The following VAMP7 variants were observed in gnomAD, a reference collection of about 807,000 sequenced individuals.
The protein encoded by VAMP7 is vesicle associated membrane protein 7, also known as vesicle-associated membrane protein 7.
Under a neutral mutation model 29.6 loss-of-function variants are expected in VAMP7, and 14 were observed. The ratio of observed to expected loss-of-function variants is 0.47; its 90% CI spans 0.31 to 0.74. VAMP7 has a LOEUF of 0.74. Ranked by LOEUF, VAMP7 falls within the 30% of genes least tolerant of loss-of-function variation. The pLI, the probability that VAMP7 is intolerant of heterozygous loss-of-function variation, is 0.05. For missense variants in VAMP7, 223 were observed against 262.4 expected (o/e 0.85, Z 1.04); for synonymous variants, 95 against 88.1 (o/e 1.08, Z -0.44).
rs1444312325 is a variant in VAMP7, at chrX:155,881,374, G to A, written c.-84G>A. ...TCCGGTCCCAGCCTCCTCTGGGAGC[G>A]GGCAGTTGGCGACCCTGCACTGACC... On this transcript the variant is annotated 5_prime_UTR_variant, in exon 1 of 8. Transcript: ENST00000286448. The A allele has an allele frequency of 1.3e-5, 2 of 152,170 alleles. No homozygotes were observed. The highest frequency in any genetic ancestry group is 4.8e-5 in the African/African-American group (2 of 41,438). The allele number at this position is 152,170 out of a possible 1,614,324, so 9.4% of individuals were successfully genotyped here.
At chrX:155,923,505 C>T (rs745437609) in intron 6 of VAMP7, among the ~76,000 whole-genome samples, 85 of 151,056 alleles carry the variant, frequency 5.6e-4, no homozygotes, top group African/African-American at 2.0e-3. Flanking sequence ...ACTTGATGAA[C>T]GGTGGTTCAT....
intron 5 of VAMP7, among the ~76,000 whole-genome samples, chrX:155,910,543 T>C (rs2066222127): frequency 6.6e-6 from 1 of 152,054 alleles, no homozygotes; most frequent in Non-Finnish European, 1.5e-5. Context: ...CTGGTTTCCA[T>C]AGTAGCTGCA....
At chrX:155,897,784 T>C (rs961464347) in intron 3 of VAMP7, among the ~76,000 whole-genome samples, 4 of 152,166 alleles carry the variant, frequency 2.6e-5, no homozygotes, top group Non-Finnish European at 4.4e-5. Context: ...GGCCTTCTAA[T>C]AGATCTTATG....
At chrX:155,904,002 A>G (rs2066109110) in intron 5 of VAMP7, among the ~76,000 whole-genome samples, 1 of 152,018 alleles carries the variant, frequency 6.6e-6, no homozygotes, top group African/African-American at 2.4e-5. Context: ...TGGCACATAT[A>G]CACCATGGAA....
chrX:155,901,346 A>G (rs2066059035), intron 5 of VAMP7, among the ~76,000 whole-genome samples: 2 of 151,162 alleles, frequency 1.3e-5, no homozygotes, highest in Admixed American at 6.6e-5. Context: ...GACAACTACT[A>G]TTTATTTTTA....
intron 2 of VAMP7, among the ~76,000 whole-genome samples, chrX:155,892,338 T>G (rs371973105): frequency 6.6e-6 from 1 of 152,302 alleles, no homozygotes; most frequent in South Asian, 2.1e-4. Context: ...AGGGCAGTTC[T>G]GATCATATTC....
intron 7 of VAMP7, 115 bp downstream of exon 7, chrX:155,939,908 A>G (rs1490638052): frequency 2.3e-6 from 2 of 882,474 alleles, no homozygotes; most frequent in African/African-American, 1.7e-5. Flanking sequence ...GTCTTTTAAT[A>G]GTGAAACACA....
chrX:155,882,263 G>A lies in VAMP7; in HGVS notation c.-10+815G>A, dbSNP rs947259950. Among the ~76,000 whole-genome samples, 55 of 152,242 alleles carry A rather than the reference G, an allele frequency of 3.6e-4. 1 individual carries two copies. The highest frequency in any genetic ancestry group is 4.2e-4 in the South Asian group (2 of 4,812). ...GCTTGACACTCTTTTAAGTGCAGGG[G>A]ATACAGCTGTAAACAAGACTTAGGA... is the stretch of plus-strand genomic sequence containing the variant. On this transcript the variant is annotated intron_variant, in intron 1 of 7. Transcript: ENST00000286448.
intron 6 of VAMP7, among the ~76,000 whole-genome samples, chrX:155,924,245 C>T (rs1228586315): frequency 1.3e-5 from 2 of 152,124 alleles, no homozygotes; most frequent in Non-Finnish European, 2.9e-5. Flanking sequence ...GGGTACACTT[C>T]AGTGGAATTT....
At chrX:155,933,589 C>T (rs1024359020) in intron 6 of VAMP7, among the ~76,000 whole-genome samples, 13 of 152,056 alleles carry the variant, frequency 8.5e-5, no homozygotes, top group African/African-American at 3.1e-4. Context: ...TTTGATTCTT[C>T]TCTCTTTTCT....
At chrX:155,927,427 A>G (rs1414688116) in intron 6 of VAMP7, among the ~76,000 whole-genome samples, 1 of 148,484 alleles carries the variant, frequency 6.7e-6, no homozygotes, top group Admixed American at 6.8e-5. Flanking sequence ...AAAACAAACC[A>G]GAAAAATGGT....
chrX:155,883,307 T>G (rs2065826031), intron 1 of VAMP7, among the ~76,000 whole-genome samples: 1 of 152,176 alleles, frequency 6.6e-6, no homozygotes, highest in Non-Finnish European at 1.5e-5. Flanking sequence ...TCAGGCTAGC[T>G]TATGTACCTT....
intron 5 of VAMP7, among the ~76,000 whole-genome samples, chrX:155,914,030 A>T (rs2066276065): frequency 6.6e-6 from 1 of 151,924 alleles, no homozygotes; most frequent in South Asian, 2.1e-4. Flanking sequence ...GTCCTCTCTT[A>T]TTTCCTTGAG....
intron 6 of VAMP7, among the ~76,000 whole-genome samples, chrX:155,924,160 T>C (rs1292635019): frequency 6.6e-6 from 1 of 152,202 alleles, no homozygotes; most frequent in Non-Finnish European, 1.5e-5. Context: ...TAAATTGTTT[T>C]TTAACCATCT....
chrX:155,942,308 G>T lies in VAMP7; in HGVS notation c.*357G>T. 1.3e-6 allele frequency: 1 copy of T among 776,152 alleles called. No homozygotes were observed. Among genetic ancestry groups the T allele is most frequent in the Non-Finnish European group, 2.0e-6 (1 of 498,208 alleles). The allele number at this position is 776,152 out of a possible 1,614,324, so 48.1% of individuals were successfully genotyped here. A position where few individuals can be genotyped will look rare whatever the true frequency, so the allele number is the denominator to read the frequency against. ...TCTACTAAAACTATGGAGAAACTTT[G>T]TATGTGCACACAAAAGTATTCAAGA... is the stretch of plus-strand genomic sequence containing the variant. On this transcript the variant is annotated 3_prime_UTR_variant, in exon 8 of 8. Transcript: ENST00000286448.
At chrX:155,930,285 G>A (rs942078412) in intron 6 of VAMP7, among the ~76,000 whole-genome samples, 1 of 152,160 alleles carries the variant, frequency 6.6e-6, no homozygotes, top group African/African-American at 2.4e-5. Flanking sequence ...ATTTTTTCTG[G>A]AGTGTCTTTT....
rs201199648 is a variant in VAMP7, at chrX:155,905,143, AT to A, written c.433+4559del. Reference sequence around the variant, plus strand: ...GAAATGGTACTTTATTGTGATTTTGATTTGCATTTCCCTGATGACTAATGAT... The same window carrying A: ...GAAATGGTACTTTATTGTGATTTTGATTGCATTTCCCTGATGACTAATGAT... On this transcript the variant is annotated intron_variant, in intron 5 of 7. Coordinates refer to ENST00000286448, the MANE Select transcript of VAMP7 (RefSeq NM_005638.6). Among the ~76,000 whole-genome samples the A allele has an allele frequency of 6.5e-3, 993 of 151,862 alleles. 4 individuals carry two copies. The highest frequency in any genetic ancestry group is 0.014 in the Middle Eastern group (4 of 294).
chrX:155,892,741 G>GTATTATTAT lies in VAMP7; in HGVS notation c.147-2862_147-2854dup, dbSNP rs34905684. On this transcript the variant is annotated intron_variant, in intron 2 of 7. Coordinates refer to ENST00000286448, the MANE Select transcript of VAMP7 (RefSeq NM_005638.6). ...TTCATATTGTAACACTTTTCACACT[G>GTATTATTAT]TATTATTATTATTATTATTATTATT... Among the ~76,000 whole-genome samples, 573 of 145,932 alleles carry GTATTATTAT rather than the reference G, an allele frequency of 3.9e-3. 4 individuals carry two copies. The highest frequency in any genetic ancestry group is 0.012 in the African/African-American group (472 of 39,596).
chrX:155,941,960 A>T lies in VAMP7; in HGVS notation c.*9A>T, dbSNP rs188664444. The T allele has an allele frequency of 1.2e-5, 20 of 1,613,804 alleles. 1 individual carries two copies. The Admixed American group carries it at 2.5e-4, about 20-fold the overall frequency. ...GCTGTGTGAAGAAATAGGAAAGAAGAAGTTACCATTAACCAAGGATATGAG... is the reference window on the plus strand; with the variant it reads ...GCTGTGTGAAGAAATAGGAAAGAAGTAGTTACCATTAACCAAGGATATGAG... On this transcript the variant is annotated 3_prime_UTR_variant, in exon 8 of 8. Transcript: ENST00000286448.
Sources: gnomAD v4.1 joint callset for allele counts (sites outside exome capture counted in the v4.1 genomes callset) on GRCh38, gnomAD v4.1.1 for gene constraint, MANE v1.5 for transcripts, NCBI Gene and HGNC (gene_info 2026-07-23, HGNC 2026-07-21) for gene names.